Variants in HNF4G observed in about 807,000 individuals in gnomAD.
HNF4G encodes hepatocyte nuclear factor 4 gamma, also known as hepatocyte nuclear factor 4-gamma.
HNF4G carries 21 observed loss-of-function variants against 50.9 expected under a neutral mutation model. The observed-to-expected ratio is 0.41, with a 90% CI of 0.29 to 0.59. HNF4G has a LOEUF of 0.59. Among genes scored for constraint, HNF4G ranks in the 20% least tolerant of loss-of-function variants. HNF4G has a pLI of 0.26. For synonymous variants in HNF4G, 198 were observed against 185.6 expected (o/e 1.07, Z -0.54); for missense variants, 527 against 559.4 (o/e 0.94, Z 0.58).
chr8:75,525,656 C>A (rs930055438), intron 2 of HNF4G, among the ~76,000 whole-genome samples: 2 of 152,064 alleles, frequency 1.3e-5, no homozygotes, highest in Admixed American at 6.6e-5. Context: ...TTGGTCCACA[C>A]GTACATTGTT....
intron 1 of HNF4G, among the ~76,000 whole-genome samples, chr8:75,465,619 A>G (rs1197639535): frequency 6.6e-6 from 1 of 152,116 alleles, no homozygotes; most frequent in Non-Finnish European, 1.5e-5. Flanking sequence ...GTATTATGCC[A>G]AAAAGAAAAA....
At chr8:75,533,528 C>G in intron 2 of HNF4G, among the ~76,000 whole-genome samples, 1 of 151,842 alleles carries the variant, frequency 6.6e-6, no homozygotes, top group Non-Finnish European at 1.5e-5. Flanking sequence ...GTTACAAAAG[C>G]CACCACTTTA....
At chr8:75,449,713 T>C (rs542858666) in intron 1 of HNF4G, among the ~76,000 whole-genome samples, 223 of 152,060 alleles carry the variant, frequency 1.5e-3, no homozygotes, top group African/African-American at 5.1e-3. Flanking sequence ...TTCACCGTGT[T>C]AGCCCGGATG....
At chr8:75,475,783 T>C (rs1471240716) in intron 1 of HNF4G, among the ~76,000 whole-genome samples, 1 of 152,142 alleles carries the variant, frequency 6.6e-6, no homozygotes, top group East Asian at 1.9e-4. Flanking sequence ...TTATTTTTCA[T>C]TTATAATAAA....
intron 2 of HNF4G, among the ~76,000 whole-genome samples, chr8:75,501,972 A>G (rs1015167694): frequency 1.3e-5 from 2 of 150,910 alleles, no homozygotes; most frequent in African/African-American, 2.4e-5. Context: ...CCTGCCTTAG[A>G]CTCCCGAGTA....
intron 2 of HNF4G, among the ~76,000 whole-genome samples, chr8:75,532,341 C>T (rs547353110): frequency 3.3e-5 from 5 of 151,832 alleles, no homozygotes; most frequent in African/African-American, 1.2e-4. Context: ...AATACTAGAA[C>T]ATAAAAAATA....
In HNF4G at chr8:75,564,125, A is replaced by T; in HGVS notation, c.*29A>T. The T allele has an allele frequency of 6.2e-7, 1 of 1,609,294 alleles. No homozygotes were observed. Among genetic ancestry groups the T allele is most frequent in the Non-Finnish European group, 8.5e-7 (1 of 1,177,312 alleles). ...TGTGTTTACTTCAGAACGGCACTAC[A>T]TAAATGTGAAAAGTTGTTGATCTTG... On this transcript the variant is annotated 3_prime_UTR_variant, in exon 10 of 10. Transcript: ENST00000396423.
chr8:75,541,200 G>T (rs1261576298), intron 1 of HNF4G, among the ~76,000 whole-genome samples: 1 of 151,968 alleles, frequency 6.6e-6, no homozygotes, highest in African/African-American at 2.4e-5. Context: ...GGACATATTT[G>T]CCATAATCAT....
chr8:75,472,557 C>T (rs1279102371), intron 1 of HNF4G, among the ~76,000 whole-genome samples: 1 of 152,162 alleles, frequency 6.6e-6, no homozygotes, highest in Non-Finnish European at 1.5e-5. Flanking sequence ...TACCCTATTC[C>T]CTTAGTAAGT....
At chr8:75,458,204 A>G (rs1257217106) in intron 1 of HNF4G, among the ~76,000 whole-genome samples, 6 of 152,110 alleles carry the variant, frequency 3.9e-5, no homozygotes, top group Admixed American at 3.9e-4. Context: ...TTGTACATAC[A>G]ATCACTGAAT....
At chr8:75,534,077 C>T (rs529141896) in intron 2 of HNF4G, among the ~76,000 whole-genome samples, 2 of 151,974 alleles carry the variant, frequency 1.3e-5, no homozygotes, top group African/African-American at 4.8e-5. Context: ...TAGGTACTGG[C>T]CCAAACTGAT....
chr8:75,480,069 A>G (rs1220114922), intron 1 of HNF4G, among the ~76,000 whole-genome samples: 1 of 152,180 alleles, frequency 6.6e-6, no homozygotes, highest in African/African-American at 2.4e-5. Context: ...TTCTTATTAA[A>G]TGTATGCTTA....
At position 75,539,943 on chromosome 8, in the gene HNF4G, G is replaced by A. The variant is rs1191762041; in HGVS notation, c.-20G>A. The A allele has an allele frequency of 9.0e-7, 1 of 1,113,238 alleles. No homozygotes were observed. Among genetic ancestry groups the A allele is most frequent in the South Asian group, 1.2e-5 (1 of 80,544 alleles). The allele number at this position is 1,113,238 out of a possible 1,614,324, so 69.0% of individuals were successfully genotyped here. On this transcript the variant is annotated 5_prime_UTR_variant, in exon 1 of 10. Coordinates refer to ENST00000396423, the MANE Select transcript of HNF4G (RefSeq NM_004133.5). ...GCACTCTGGGCTTGTGGTGCCACTTGTATGTGTGTTTCTAAATCAATGATG... is the reference window on the plus strand; with the variant it reads ...GCACTCTGGGCTTGTGGTGCCACTTATATGTGTGTTTCTAAATCAATGATG...
chr8:75,479,440 C>A (rs1172609969), intron 1 of HNF4G, among the ~76,000 whole-genome samples: 3 of 151,994 alleles, frequency 2.0e-5, no homozygotes, highest in Non-Finnish European at 4.4e-5. Flanking sequence ...TCAAATCTGG[C>A]AGAGCCCAGA....
intron 6 of HNF4G, among the ~76,000 whole-genome samples, chr8:75,557,861 TAG>T (rs1342513120): frequency 2.0e-5 from 3 of 152,172 alleles, no homozygotes; most frequent in Non-Finnish European, 1.5e-5. Context: ...ATATTATAGC[TAG>T]AGAATTTCTA....
At chr8:75,461,074 C>G (rs575105054) in intron 1 of HNF4G, among the ~76,000 whole-genome samples, 1 of 152,306 alleles carries the variant, frequency 6.6e-6, no homozygotes, top group South Asian at 2.1e-4. Flanking sequence ...CAAAATCACA[C>G]AGCAGGGACA....
chr8:75,556,152 C>T, intron 6 of HNF4G, 83 bp downstream of exon 6: 2 of 585,250 alleles, frequency 3.4e-6, no homozygotes, highest in Non-Finnish European at 5.7e-6. Context: ...CTGTATGTAC[C>T]AAGTATTTAC....
chr8:75,551,967 A>G (rs1452710762), intron 4 of HNF4G, among the ~76,000 whole-genome samples: 1 of 152,170 alleles, frequency 6.6e-6, no homozygotes, highest in Non-Finnish European at 1.5e-5. Context: ...CACAGAAGAG[A>G]GAAAACTTTA....
Position 75,449,592 on chromosome 8 carries a change from C to T in HNF4G, c.-143-40497C>T, listed in dbSNP as rs571008975. 1.9e-4 allele frequency among the ~76,000 whole-genome samples: 28 copies of T among 149,020 alleles called. 2 individuals are homozygous for T. The highest frequency in any genetic ancestry group is 4.7e-4 in the African/African-American group (19 of 40,294). On this transcript the variant is annotated intron_variant, in intron 1 of 10. Transcript: ENST00000354370. ...GGCGATCTCGGCTCACTGCAAGCTC[C>T]GCCTCCAGGGTTCACGCCATTCTCC...
Sources: allele counts gnomAD v4.1 joint callset (sites outside exome capture counted in the v4.1 genomes callset), GRCh38; gene constraint gnomAD v4.1.1; transcripts MANE v1.5; gene names NCBI Gene and HGNC (gene_info 2026-07-23, HGNC 2026-07-21).